The following CA10 variants were observed in gnomAD, a reference collection of about 807,000 sequenced individuals.
The protein encoded by CA10 is carbonic anhydrase-related protein 10.
In CA10, 14 loss-of-function variants were observed where a neutral mutation model predicts 44.2. That is an observed-to-expected ratio of 0.32 (90% confidence interval 0.21 to 0.50). CA10 has a LOEUF of 0.50. CA10 is among the 20% of genes least tolerant of loss of function. CA10 has a pLI of 0.99. For synonymous variants in CA10, 159 were observed against 141.6 expected, an observed-to-expected ratio of 1.12 and a Z score of -0.87; for missense variants, 350 against 409.7, an observed-to-expected ratio of 0.85 and a Z score of 1.26.
intron 4 of CA10, among the ~76,000 whole-genome samples, chr17:51,695,240 G>T (rs1475939353): frequency 1.3e-5 from 2 of 152,090 alleles, no homozygotes; most frequent in African/African-American, 4.8e-5. Context: ...AGATTGCTTT[G>T]GGCAGTATGG....
intron 2 of CA10, among the ~76,000 whole-genome samples, chr17:52,014,901 T>C (rs1985920043): frequency 6.6e-6 from 1 of 152,054 alleles, no homozygotes; most frequent in South Asian, 2.1e-4. Context: ...ATTGGGCAAA[T>C]ATGTCAAAGA....
intron 2 of CA10, among the ~76,000 whole-genome samples, chr17:52,002,237 A>T (rs1985450401): frequency 6.6e-6 from 1 of 152,008 alleles, no homozygotes; most frequent in Non-Finnish European, 1.5e-5. Context: ...GAAAAAAAAA[A>T]TAAAAAACAT....
At chr17:52,076,521 A>G (rs538756750) in intron 1 of CA10, among the ~76,000 whole-genome samples, 2 of 152,368 alleles carry the variant, frequency 1.3e-5, no homozygotes, top group East Asian at 3.9e-4. Context: ...AAAATCAATC[A>G]GCTGGAAGAG....
In CA10 at chr17:52,066,948, G is replaced by A. The variant is rs566857363; in HGVS notation, c.136+5371C>T. Among the ~76,000 whole-genome samples, 178 of 152,270 alleles carry A rather than the reference G, an allele frequency of 1.2e-3. 1 individual carries two copies. The highest frequency in any genetic ancestry group is 4.0e-3 in the African/African-American group (166 of 41,574). On this transcript the variant is annotated intron_variant, in intron 2 of 8. Coordinates refer to ENST00000451037, the MANE Select transcript of CA10 (RefSeq NM_020178.5). ...CAATTTTATACATTCATAAAGAGAT[G>A]GTTTGATATTGGAACTTATGTTTAA...
chr17:52,081,553 C>A (rs1598204883), intron 1 of CA10, among the ~76,000 whole-genome samples: 1 of 152,128 alleles, frequency 6.6e-6, no homozygotes, highest in Admixed American at 6.5e-5. Context: ...GTAGTCCCAG[C>A]ACTTTGGGAG....
At chr17:51,853,880 T>C (rs1399054369) in intron 3 of CA10, among the ~76,000 whole-genome samples, 1 of 152,186 alleles carries the variant, frequency 6.6e-6, no homozygotes, top group African/African-American at 2.4e-5. Flanking sequence ...GATTGTAAGT[T>C]TCCTAAGGCC....
At chr17:51,929,724 A>T (rs1156488861) in intron 3 of CA10, among the ~76,000 whole-genome samples, 1 of 152,218 alleles carries the variant, frequency 6.6e-6, no homozygotes, top group Non-Finnish European at 1.5e-5. Flanking sequence ...TTAAAGAGAA[A>T]TGTACTTAGA....
chr17:51,759,848 C>T (rs1264653853), intron 3 of CA10, among the ~76,000 whole-genome samples: 1 of 152,086 alleles, frequency 6.6e-6, no homozygotes, highest in African/African-American at 2.4e-5. Context: ...TAAGGAATTG[C>T]TTTGATAATT....
intron 4 of CA10, among the ~76,000 whole-genome samples, chr17:51,654,466 T>C (rs1913708989): frequency 6.6e-6 from 1 of 152,186 alleles, no homozygotes; most frequent in African/African-American, 2.4e-5. Context: ...AATTGTTTCC[T>C]CTGAAAAATG....
At chr17:51,850,882 G>A (rs1282451893) in intron 3 of CA10, among the ~76,000 whole-genome samples, 3 of 152,198 alleles carry the variant, frequency 2.0e-5, no homozygotes, top group African/African-American at 7.2e-5. Context: ...GTGCAGAAGA[G>A]TGAATTCATG....
intron 3 of CA10, among the ~76,000 whole-genome samples, chr17:51,866,048 C>T (rs960616155): frequency 3.9e-5 from 6 of 152,182 alleles, no homozygotes; most frequent in Admixed American, 3.3e-4. Flanking sequence ...TCTTAAGAGA[C>T]ATCAAATGAG....
intron 2 of CA10, among the ~76,000 whole-genome samples, chr17:51,991,766 G>A (rs1024161488): frequency 2.0e-5 from 3 of 152,052 alleles, no homozygotes; most frequent in African/African-American, 7.2e-5. Flanking sequence ...CCGAGATCAC[G>A]CCACTGCACT....
intron 1 of CA10, among the ~76,000 whole-genome samples, chr17:52,156,432 T>C (rs951923234): frequency 1.7e-4 from 26 of 152,248 alleles, no homozygotes; most frequent in African/African-American, 6.3e-4. Flanking sequence ...CAGAGACAAA[T>C]TTCTTAATAG....
intron 3 of CA10, among the ~76,000 whole-genome samples, chr17:51,843,650 C>A (rs997585652): frequency 6.6e-6 from 1 of 151,248 alleles, no homozygotes; most frequent in Non-Finnish European, 1.5e-5. Flanking sequence ...ATTATATATG[C>A]CAACCTTTCC....
At chr17:52,115,755 T>C (rs916077009) in intron 1 of CA10, among the ~76,000 whole-genome samples, 4 of 152,198 alleles carry the variant, frequency 2.6e-5, no homozygotes, top group Admixed American at 2.0e-4. Context: ...CCGGGAGTCT[T>C]CCCCTCTCCT....
chr17:51,968,116 T>G (rs776885782), intron 2 of CA10, among the ~76,000 whole-genome samples: 1 of 151,826 alleles, frequency 6.6e-6, no homozygotes, highest in Non-Finnish European at 1.5e-5. Flanking sequence ...GGAGGGAACA[T>G]AAGATAGTAC....
intron 3 of CA10, among the ~76,000 whole-genome samples, chr17:51,878,143 C>CAAAAAAAA (rs558014863): frequency 1.1e-3 from 72 of 63,632 alleles, no homozygotes; most frequent in African/African-American, 1.5e-3. Context: ...GACTCCGTCT[C>CAAAAAAAA]AAAAAAAAAA....
chr17:52,142,391 T>G (rs1598237261), intron 1 of CA10, among the ~76,000 whole-genome samples: 1 of 152,308 alleles, frequency 6.6e-6, no homozygotes, highest in East Asian at 1.9e-4. Flanking sequence ...GTTATGAATT[T>G]GATGCTAATA....
At chr17:51,990,953 C>G (rs1056885531) in intron 2 of CA10, among the ~76,000 whole-genome samples, 8 of 152,130 alleles carry the variant, frequency 5.3e-5, no homozygotes, top group Non-Finnish European at 1.0e-4. Context: ...AGAATCTGCC[C>G]TTTTCTGAGA....
Sources: gnomAD v4.1 joint callset for allele counts (sites outside exome capture counted in the v4.1 genomes callset) on GRCh38, gnomAD v4.1.1 for gene constraint, MANE v1.5 for transcripts, NCBI Gene and HGNC (gene_info 2026-07-23, HGNC 2026-07-21) for gene names.